The following KLHL2 variants were observed in gnomAD, a reference collection of about 807,000 sequenced individuals.
KLHL2 encodes the protein kelch-like protein 2.
KLHL2 carries 15 observed loss-of-function variants against 75.8 expected under a neutral mutation model. The ratio of observed to expected loss-of-function variants is 0.20; its 90% CI spans 0.13 to 0.30. KLHL2 has a LOEUF of 0.30. KLHL2 is among the 10% of genes least tolerant of loss of function. The pLI, the probability that KLHL2 is intolerant of heterozygous loss-of-function variation, is 1.00. For missense variants in KLHL2, 381 were observed against 741.0 expected, an observed-to-expected ratio of 0.51 and a Z score of 5.64; for synonymous variants, 214 against 251.9, an observed-to-expected ratio of 0.85 and a Z score of 1.42.
intron 8 of KLHL2, among the ~76,000 whole-genome samples, chr4:165,303,406 C>G (rs1331206060): frequency 6.7e-6 from 1 of 150,102 alleles, no homozygotes; most frequent in African/African-American, 2.4e-5. Flanking sequence ...CAACTATTGT[C>G]TCTTGGGCAG....
rs962555675 is a variant in KLHL2 at position 165,322,856 on chromosome 4, T to C, written c.*796T>C. On this transcript the variant is annotated 3_prime_UTR_variant, in exon 15 of 15. Coordinates refer to ENST00000226725, the MANE Select transcript of KLHL2 (RefSeq NM_007246.4). Reference sequence around the variant, plus strand: ...ATTTTCTTTAGTTTAATCTTGGTCATGTTTTGGTGTGTATTTTTAATTTTT... The same window carrying C: ...ATTTTCTTTAGTTTAATCTTGGTCACGTTTTGGTGTGTATTTTTAATTTTT... 6.5e-6 allele frequency: 1 copy of C among 152,686 alleles called. No individual in the cohort carries two copies. The highest frequency in any genetic ancestry group is 2.4e-5 in the African/African-American group (1 of 41,484). 9.5% of individuals were successfully genotyped at this position (152,686 alleles called of 1,614,324 possible). A position where few individuals can be genotyped will look rare whatever the true frequency, so the allele number is the denominator to read the frequency against.
intron 5 of KLHL2, chr4:165,279,274 C>G: frequency 6.5e-7 from 1 of 1,537,124 alleles, no homozygotes; most frequent in Admixed American, 1.7e-5. Flanking sequence ...TACTAAGACT[C>G]TCAACGGTAG....
intron 4 of KLHL2, among the ~76,000 whole-genome samples, chr4:165,244,982 C>T (rs1474948679): frequency 2.0e-5 from 3 of 152,056 alleles, no homozygotes; most frequent in Non-Finnish European, 2.9e-5. Flanking sequence ...CCAAGGGAGG[C>T]GGATCACCTG....
intron 8 of KLHL2, among the ~76,000 whole-genome samples, chr4:165,303,287 G>A (rs1194230892): frequency 1.3e-5 from 2 of 152,076 alleles, no homozygotes; most frequent in African/African-American, 4.8e-5. Flanking sequence ...AAACTTTGAG[G>A]ATTATGAAAT....
At chr4:165,219,284 T>C (rs1292771759) in intron 1 of KLHL2, among the ~76,000 whole-genome samples, 1 of 152,284 alleles carries the variant, frequency 6.6e-6, no homozygotes, top group Admixed American at 6.5e-5. Context: ...TTTACCCCGT[T>C]ACTCAAACTA....
At chr4:165,293,805 T>C (rs4691181) in intron 5 of KLHL2, among the ~76,000 whole-genome samples, 9,520 of 151,898 alleles carry the variant, frequency 0.063, 408 homozygotes, top group Middle Eastern at 0.14. Flanking sequence ...CATGAGCCAC[T>C]GCGCCCGGCC....
intron 8 of KLHL2, among the ~76,000 whole-genome samples, chr4:165,300,183 G>A (rs1745240202): frequency 6.6e-6 from 1 of 152,030 alleles, no homozygotes; most frequent in Admixed American, 6.5e-5. Flanking sequence ...CTGCTACTCA[G>A]GAGGCTGAGG....
chr4:165,287,480 C>T (rs968676802), intron 5 of KLHL2, among the ~76,000 whole-genome samples: 2 of 152,118 alleles, frequency 1.3e-5, no homozygotes, highest in Non-Finnish European at 2.9e-5. Flanking sequence ...GTCTTCAAGA[C>T]CCTGCTTTCC....
At position 165,207,722 on chromosome 4, in the gene KLHL2, C is replaced by A. The variant is rs961705218; in HGVS notation, c.-155C>A. 11 of 351,426 alleles carry A rather than the reference C, an allele frequency of 3.1e-5. No individual in the cohort carries two copies. The highest frequency in any genetic ancestry group is 4.9e-5 in the Non-Finnish European group (11 of 226,312). 21.8% of individuals were successfully genotyped at this position (351,426 alleles called of 1,614,324 possible). A position where few individuals can be genotyped will look rare whatever the true frequency, so the allele number is the denominator to read the frequency against. On this transcript the variant is annotated 5_prime_UTR_variant, in exon 1 of 15. Transcript: ENST00000226725. This position sits in a 1 kb window ranked among gnomAD's most constrained non-coding sequence, Gnocchi z 4.2. ...AGCGGGCCATGGCCGCGGGGGCCGC[C>A]GCCGCAGGTGGTGGCGCGCGGTGAG...
chr4:165,308,594 T>G (rs1195756639), intron 9 of KLHL2, among the ~76,000 whole-genome samples: 1 of 152,182 alleles, frequency 6.6e-6, no homozygotes, highest in Non-Finnish European at 1.5e-5. Context: ...CTTCATAGAT[T>G]GATTCATTTA....
chr4:165,242,710 T>A (rs1003500705), intron 4 of KLHL2, among the ~76,000 whole-genome samples: 1 of 152,184 alleles, frequency 6.6e-6, no homozygotes, highest in Non-Finnish European at 1.5e-5. Context: ...TTGGCCAGGC[T>A]GGTCTTGAAC....
intron 1 of KLHL2, among the ~76,000 whole-genome samples, chr4:165,213,564 T>C (rs1737345238): frequency 6.6e-6 from 1 of 152,170 alleles, no homozygotes. Context: ...TCATTCCAGC[T>C]CATCGTTGCA....
At chr4:165,317,792 T>A (rs939295193) in intron 13 of KLHL2, 34 bp from the exon 14 acceptor site, 1 of 1,569,842 alleles carries the variant, frequency 6.4e-7, no homozygotes, top group East Asian at 2.2e-5. Context: ...CCCAATTTTT[T>A]AAATAATTGT....
At chr4:165,278,461 A>G (rs778923612) in intron 5 of KLHL2, 1 of 1,558,870 alleles carries the variant, frequency 6.4e-7, no homozygotes, top group Admixed American at 1.7e-5. Context: ...CTTCTAATGC[A>G]GCAAAAGCAA....
At chr4:165,299,706 AG>A (rs1560819253) in intron 8 of KLHL2, 50 bp downstream of exon 8, 2 of 1,475,436 alleles carry the variant, frequency 1.4e-6, no homozygotes. Flanking sequence ...AAGGCTTATA[AG>A]TGAAGCTGTT....
At chr4:165,240,374 G>T (rs575332583) in intron 4 of KLHL2, 27 of 152,278 alleles carry the variant, frequency 1.8e-4, no homozygotes, top group African/African-American at 5.8e-4. Context: ...GCTATCGATT[G>T]TTCCATGTGA....
chr4:165,320,058 C>A (rs887410968), intron 14 of KLHL2, among the ~76,000 whole-genome samples: 12 of 152,122 alleles, frequency 7.9e-5, no homozygotes, highest in African/African-American at 2.9e-4. Context: ...CTTCTGTCAA[C>A]CAAGGGGCCA....
At chr4:165,244,138 A>G (rs1479542900) in intron 4 of KLHL2, among the ~76,000 whole-genome samples, 1 of 152,086 alleles carries the variant, frequency 6.6e-6, no homozygotes, top group Non-Finnish European at 1.5e-5. Context: ...TTTCTCTTTC[A>G]TTCCTCCCGT....
intron 5 of KLHL2, among the ~76,000 whole-genome samples, chr4:165,264,618 G>C (rs577001991): frequency 3.0e-4 from 37 of 121,850 alleles, no homozygotes; most frequent in African/African-American, 1.1e-3. Context: ...ACACACACAC[G>C]TACGTATATA....
Sources: gnomAD v4.1 joint callset for allele counts (sites outside exome capture counted in the v4.1 genomes callset) on GRCh38, gnomAD v4.1.1 for gene constraint, Gnocchi (gnomAD v3.1) non-coding constraint, MANE v1.5 for transcripts, NCBI Gene and HGNC (gene_info 2026-07-23, HGNC 2026-07-21) for gene names.